The following CFAP44 variants were observed in gnomAD, a reference collection of about 807,000 sequenced individuals.
CFAP44 encodes cilia- and flagella-associated protein 44.
A neutral mutation model predicts 216.2 loss-of-function variants in CFAP44; 134 were observed. That is an observed-to-expected ratio of 0.62 (90% CI 0.54 to 0.72). CFAP44 has a LOEUF of 0.72. Among genes scored for constraint, CFAP44 ranks in the 30% least tolerant of loss-of-function variants. The pLI is 0.00. For missense variants in CFAP44, 2,035 were observed against 2,182.1 expected, an observed-to-expected ratio of 0.93 and a Z score of 1.34; for synonymous variants, 700 against 727.6, an observed-to-expected ratio of 0.96 and a Z score of 0.61.
chr3:113,309,428 C>CTG (rs1345040971), intron 28 of CFAP44, among the ~76,000 whole-genome samples: 2 of 152,174 alleles, frequency 1.3e-5, no homozygotes, highest in East Asian at 3.9e-4. Flanking sequence ...CTCTTCCCTG[C>CTG]TACAAAACCC....
At chr3:113,357,208 C>T (rs1032655224) in intron 22 of CFAP44, among the ~76,000 whole-genome samples, 1 of 152,212 alleles carries the variant, frequency 6.6e-6, no homozygotes, top group Admixed American at 6.5e-5. Flanking sequence ...GGCTGACAAT[C>T]CCAAGCATGA....
chr3:113,306,138 A>C, intron 30 of CFAP44, 63 bp downstream of exon 30: 1 of 1,482,840 alleles, frequency 6.7e-7, no homozygotes, highest in Admixed American at 2.5e-5. Context: ...TAAAAAGGCA[A>C]TATTATAGCT....
intron 34 of CFAP44, among the ~76,000 whole-genome samples, chr3:113,293,073 T>G (rs74975737): frequency 1.0e-3 from 157 of 152,256 alleles, no homozygotes; most frequent in African/African-American, 3.5e-3. Context: ...GTGAGAAAAA[T>G]GACTCCTATT....
intron 28 of CFAP44, among the ~76,000 whole-genome samples, chr3:113,321,746 A>G (rs1950148049): frequency 6.6e-6 from 1 of 152,240 alleles, no homozygotes; most frequent in South Asian, 2.1e-4. Flanking sequence ...AATCAAATCA[A>G]GAATATAATC....
At chr3:113,355,904 T>C (rs1024490890) in intron 22 of CFAP44, among the ~76,000 whole-genome samples, 5 of 151,666 alleles carry the variant, frequency 3.3e-5, no homozygotes, top group Non-Finnish European at 7.4e-5. Flanking sequence ...AAGAGAAATA[T>C]ATCAGTCAAT....
chr3:113,418,446 T>C (rs1242354371), intron 5 of CFAP44, among the ~76,000 whole-genome samples: 1 of 152,172 alleles, frequency 6.6e-6, no homozygotes, highest in East Asian at 1.9e-4. Flanking sequence ...ACACTCAACA[T>C]AGAGGTTCAC....
chr3:113,432,436 T>C (rs1394542700), intron 2 of CFAP44, among the ~76,000 whole-genome samples: 1 of 152,248 alleles, frequency 6.6e-6, no homozygotes, highest in Non-Finnish European at 1.5e-5. Context: ...AAAAGACTTG[T>C]CTTTTAAAAT....
chr3:113,303,672 A>G (rs1949959452), intron 32 of CFAP44, among the ~76,000 whole-genome samples: 1 of 152,176 alleles, frequency 6.6e-6, no homozygotes, highest in Non-Finnish European at 1.5e-5. Flanking sequence ...ATTATTCTAT[A>G]TTTTAATCAT....
intron 8 of CFAP44, among the ~76,000 whole-genome samples, chr3:113,405,249 A>G (rs1186660169): frequency 2.0e-5 from 3 of 152,174 alleles, no homozygotes; most frequent in African/African-American, 7.2e-5. Flanking sequence ...CTTAAGCCTC[A>G]GCCATTTATG....
At chr3:113,436,830 T>C (rs779333619) in intron 1 of CFAP44, among the ~76,000 whole-genome samples, 1 of 152,236 alleles carries the variant, frequency 6.6e-6, no homozygotes, top group African/African-American at 2.4e-5. Flanking sequence ...GTAGGTACTG[T>C]TTAGTTTTCC....
chr3:113,349,998 C>T (rs1950427140), intron 22 of CFAP44, among the ~76,000 whole-genome samples: 1 of 152,212 alleles, frequency 6.6e-6, no homozygotes. Context: ...AAAGGGAGTT[C>T]CTAACCTCTG....
Position 113,327,658 on chromosome 3 carries a change from T to C in CFAP44, c.4278A>G (p.Gln1426=). Residue 1426 remains glutamine (Q), a synonymous_variant, in exon 27 of 35, where the codon CAA becomes CAG. Coordinates refer to ENST00000393845, the MANE Select transcript of CFAP44 (RefSeq NM_001164496.2). ...KNFEKQENIL[Q]ERVNSLDKEE... The stretch of plus-strand genomic sequence containing the variant: ...CTTTGTCTAAGGAATTAACACGTTC[T>C]TGAAGTATGTTCTCCTGTTTTTCAA... 1 of 1,537,042 alleles carries C rather than the reference T, an allele frequency of 6.5e-7. No homozygotes were observed.
intron 19 of CFAP44, among the ~76,000 whole-genome samples, chr3:113,364,855 C>T (rs952727259): frequency 6.6e-6 from 1 of 152,052 alleles, no homozygotes; most frequent in Non-Finnish European, 1.5e-5. Context: ...GGCTCCCTAG[C>T]TGATTCTAAA....
intron 24 of CFAP44, among the ~76,000 whole-genome samples, chr3:113,335,810 T>G (rs1174669979): frequency 3.3e-5 from 5 of 152,218 alleles, no homozygotes; most frequent in Non-Finnish European, 7.3e-5. Flanking sequence ...CATATTGAAT[T>G]TTTACGTAGA....
intron 1 of CFAP44, among the ~76,000 whole-genome samples, chr3:113,435,729 TA>T (rs1384329710): frequency 5.1e-5 from 1 of 19,666 alleles, no homozygotes; most frequent in Non-Finnish European, 1.0e-4. Flanking sequence ...ACTCTGCTTC[TA>T]AAATTAAAAA....
chr3:113,414,995 G>C (rs1264098026), intron 6 of CFAP44, among the ~76,000 whole-genome samples: 1 of 151,444 alleles, frequency 6.6e-6, no homozygotes, highest in African/African-American at 2.4e-5. Context: ...TGGTCCTGGA[G>C]TTTTTTTTGG....
intron 18 of CFAP44, among the ~76,000 whole-genome samples, chr3:113,369,264 A>G (rs1348738779): frequency 1.3e-5 from 2 of 152,204 alleles, no homozygotes; most frequent in Admixed American, 1.3e-4. Flanking sequence ...CTCCATCTCA[A>G]ATCAACAGAA....
rs1270577267 is a variant in CFAP44, at chr3:113,420,121, T to C, written c.466A>G (p.Ile156Val). Residue 156 changes from isoleucine (I) to valine (V), a missense_variant, in exon 5 of 35, where the codon ATC (isoleucine) becomes GTC (valine). Transcript: ENST00000393845. Reference sequence around the variant, plus strand: ...TGGTTCCCAGCTATGTATATGGCGATACTGTCGTCCAGAAGTTGTAGGTTG... The same window carrying C: ...TGGTTCCCAGCTATGTATATGGCGACACTGTCGTCCAGAAGTTGTAGGTTG... ...RANLQLLDDS[I>V]AIYIAGNQLI... 2 of 1,613,974 alleles carry C rather than the reference T, an allele frequency of 1.2e-6. No individual in the cohort carries two copies. Among genetic ancestry groups the C allele is most frequent in the Admixed American group, 1.7e-5 (1 of 60,000 alleles).
chr3:113,331,854 T>C (rs540133553), intron 25 of CFAP44, among the ~76,000 whole-genome samples: 2 of 151,914 alleles, frequency 1.3e-5, no homozygotes, highest in Admixed American at 1.3e-4. Context: ...AATTTGACCA[T>C]GACAATAAAG....
Sources: gnomAD v4.1 joint callset for allele counts (sites outside exome capture counted in the v4.1 genomes callset) on GRCh38, gnomAD v4.1.1 for gene constraint, MANE v1.5 for transcripts, NCBI Gene and HGNC (gene_info 2026-07-23, HGNC 2026-07-21) for gene names.